The following PPP2R2D variants were observed in gnomAD, a reference collection of about 807,000 sequenced individuals.
The protein encoded by PPP2R2D is protein phosphatase 2 regulatory subunit Bdelta, also known as serine/threonine-protein phosphatase 2A 55 kDa regulatory subunit B delta isoform.
A neutral mutation model predicts 31.1 loss-of-function variants in PPP2R2D; 9 were observed. The ratio of observed to expected loss-of-function variants is 0.29; its 90% CI spans 0.17 to 0.51. The LOEUF (loss-of-function observed/expected upper bound fraction) is 0.51, where lower values mean the gene tolerates loss of function less well. Among genes scored for constraint, PPP2R2D ranks in the 20% least tolerant of loss-of-function variants. The pLI is 0.98. For missense variants in PPP2R2D, 391 were observed against 465.6 expected (o/e 0.84, Z 1.48); for synonymous variants, 179 against 172.6 (o/e 1.04, Z -0.29).
intron 3 of PPP2R2D, among the ~76,000 whole-genome samples, chr10:131,936,555 G>A (rs1400938435): frequency 6.6e-6 from 1 of 152,228 alleles, no homozygotes; most frequent in African/African-American, 2.4e-5. Flanking sequence ...TAGGGAAGAT[G>A]CCTCATCCCT....
Position 131,956,102 on chromosome 10 carries a change from G to A in PPP2R2D, c.*139G>A, listed in dbSNP as rs900323987. 2.5e-5 allele frequency: 32 copies of A among 1,267,204 alleles called. No individual in the cohort carries two copies. The highest frequency in any genetic ancestry group is 2.3e-4 in the African/African-American group (15 of 65,182). 78.5% of individuals were successfully genotyped at this position (1,267,204 alleles called of 1,614,324 possible). A position where few individuals can be genotyped will look rare whatever the true frequency, so the allele number is the denominator to read the frequency against. ...CCCTTCACAGACACAGGAGAAAGCC[G>A]CCTCCGCTGGAGGCCCGGTGTGGTT... On this transcript the variant is annotated 3_prime_UTR_variant, in exon 9 of 9. Transcript: ENST00000455566.
chr10:131,936,947 C>CGG (rs2119820454), intron 3 of PPP2R2D, among the ~76,000 whole-genome samples: 2 of 152,332 alleles, frequency 1.3e-5, no homozygotes, highest in South Asian at 4.1e-4. Context: ...TGGGTAAGGG[C>CGG]GGCAGTGCAC....
At chr10:131,934,183 T>C (rs779035344) in intron 2 of PPP2R2D, among the ~76,000 whole-genome samples, 1 of 152,200 alleles carries the variant, frequency 6.6e-6, no homozygotes, top group Non-Finnish European at 1.5e-5. Context: ...TATCCTTTTA[T>C]CAAGACAACC....
chr10:131,909,294 C>CT (rs2035646342), intron 2 of PPP2R2D, among the ~76,000 whole-genome samples: 2 of 152,152 alleles, frequency 1.3e-5, no homozygotes, highest in Non-Finnish European at 2.9e-5. Context: ...GCTCAGGACT[C>CT]TGAGTGATTG....
chr10:131,939,786 A>G (rs1554896931), intron 3 of PPP2R2D: 1 of 276,758 alleles, frequency 3.6e-6, no homozygotes, highest in East Asian at 6.1e-5. Flanking sequence ...TGCTCCAGAA[A>G]ATACAGCAAG....
At chr10:131,954,676 G>T (rs2036760801) in intron 8 of PPP2R2D, among the ~76,000 whole-genome samples, 1 of 151,272 alleles carries the variant, frequency 6.6e-6, no homozygotes, top group African/African-American at 2.4e-5. Flanking sequence ...GACAAGGTCA[G>T]TCAGACACTA....
At chr10:131,944,620 C>A (rs962183095) in intron 6 of PPP2R2D, among the ~76,000 whole-genome samples, 1 of 152,176 alleles carries the variant, frequency 6.6e-6, no homozygotes, top group Non-Finnish European at 1.5e-5. Context: ...AGCCAGCAGC[C>A]GGGAGCATGG....
intron 2 of PPP2R2D, among the ~76,000 whole-genome samples, chr10:131,906,106 A>G (rs2035577226): frequency 6.6e-6 from 1 of 152,218 alleles, no homozygotes; most frequent in Admixed American, 6.5e-5. Context: ...CAAGTGCTGC[A>G]GCACCTTTGC....
At chr10:131,934,718 G>A (rs2036307269) in intron 3 of PPP2R2D, among the ~76,000 whole-genome samples, 163 bp downstream of exon 3, 1 of 152,106 alleles carries the variant, frequency 6.6e-6, no homozygotes, top group South Asian at 2.1e-4. Context: ...TCTAAGTTCT[G>A]GCCTCAGCTG....
In PPP2R2D at chr10:131,917,465, G is replaced by A. The variant is rs1355817709; in HGVS notation, c.100+16135G>A. The stretch of plus-strand genomic sequence containing the variant: ...ATGACAGTGTTTGTAGGGACCTCAG[G>A]CGGGTGGAATGACAGTGTTTGTAGG... On this transcript the variant is annotated intron_variant, in intron 2 of 8. Transcript: ENST00000455566. Among the ~76,000 whole-genome samples, 330 of 132,030 alleles carry A rather than the reference G, an allele frequency of 2.5e-3. 13 individuals are homozygous for A. The highest frequency in any genetic ancestry group is 9.1e-3 in the African/African-American group (310 of 34,002). The allele number at this position is 132,030 out of a possible 152,430, so 86.6% of individuals were successfully genotyped here.
At chr10:131,938,682 G>A (rs1465834646) in intron 3 of PPP2R2D, among the ~76,000 whole-genome samples, 1 of 152,184 alleles carries the variant, frequency 6.6e-6, no homozygotes, top group Admixed American at 6.5e-5. Context: ...CTCACTCTGG[G>A]CACCTGTGCA....
intron 2 of PPP2R2D, among the ~76,000 whole-genome samples, chr10:131,929,785 C>T (rs1554895426): frequency 6.6e-6 from 1 of 152,154 alleles, no homozygotes; most frequent in Non-Finnish European, 1.5e-5. Flanking sequence ...ATCCCACTGA[C>T]TCCGTTTCCC....
At chr10:131,940,222 TTTGA>T (rs782273515) in intron 4 of PPP2R2D, 26 bp downstream of exon 4, 3 of 637,864 alleles carry the variant, frequency 4.7e-6, no homozygotes, top group Admixed American at 2.6e-5. Flanking sequence ...TAAGTGGCTG[TTTGA>T]TTTAGTTTTT....
chr10:131,933,961 C>A (rs2036290919), intron 2 of PPP2R2D, among the ~76,000 whole-genome samples: 2 of 152,162 alleles, frequency 1.3e-5, no homozygotes, highest in Non-Finnish European at 2.9e-5. Context: ...TGACATGGAA[C>A]TTCTACTGTC....
downstream of PPP2R2D, among the ~76,000 whole-genome samples, chr10:131,962,715 T>A (rs1203936957): frequency 6.6e-6 from 1 of 152,188 alleles, no homozygotes; most frequent in Non-Finnish European, 1.5e-5. Context: ...CTGCCTGCAC[T>A]GGGCACCAAC....
At chr10:131,925,098 G>T (rs927540260) in intron 2 of PPP2R2D, among the ~76,000 whole-genome samples, 2 of 152,140 alleles carry the variant, frequency 1.3e-5, no homozygotes, top group East Asian at 1.9e-4. Flanking sequence ...TGCCATCTGT[G>T]AATAGAGATA....
intron 8 of PPP2R2D, among the ~76,000 whole-genome samples, chr10:131,953,710 G>A (rs1297606509): frequency 3.3e-5 from 2 of 60,770 alleles, no homozygotes; most frequent in East Asian, 1.8e-3. Flanking sequence ...GGGTGTGTGG[G>A]GGGGTCACTG....
At chr10:131,915,949 A>G (rs554813717) in intron 2 of PPP2R2D, among the ~76,000 whole-genome samples, 259 of 152,326 alleles carry the variant, frequency 1.7e-3, no homozygotes, top group Non-Finnish European at 2.3e-3. Flanking sequence ...ACCATTCTCA[A>G]TTTGCTTACT....
At chr10:131,970,336 C>A in the PPP2R2D span, 1 of 439,194 alleles carries the variant, frequency 2.3e-6, no homozygotes. This position sits in a 1 kb window ranked among gnomAD's most constrained non-coding sequence, Gnocchi z 4.1. Flanking sequence ...CTGCTTTCAC[C>A]TACACACAGG....
Sources: gnomAD v4.1 joint callset for allele counts (sites outside exome capture counted in the v4.1 genomes callset) on GRCh38, gnomAD v4.1.1 for gene constraint, Gnocchi (gnomAD v3.1) non-coding constraint, MANE v1.5 for transcripts, NCBI Gene and HGNC (gene_info 2026-07-23, HGNC 2026-07-21) for gene names.